Variants in PCDHA5 observed in about 807,000 individuals in gnomAD.
PCDHA5 encodes protocadherin alpha-5.
In PCDHA5, 43 loss-of-function variants were observed where a neutral mutation model predicts 61.6. The ratio of observed to expected loss-of-function variants is 0.70; its 90% CI spans 0.55 to 0.90. PCDHA5 has a LOEUF of 0.90. Ranked by LOEUF, PCDHA5 falls within the 40% of genes least tolerant of loss-of-function variation. The pLI, the probability that PCDHA5 is intolerant of heterozygous loss-of-function variation, is 0.00. For synonymous variants in PCDHA5, 627 were observed against 543.9 expected (o/e 1.15, Z -2.13); for missense variants, 1,298 against 1,222.7 (o/e 1.06, Z -0.92).
intron 1 of PCDHA5, chr5:140,829,105 G>C: frequency 6.2e-7 from 1 of 1,611,878 alleles, no homozygotes; most frequent in Non-Finnish European, 8.5e-7. Context: ...CCGTTTTAGT[G>C]AGAATTTTGG....
chr5:140,976,584 A>G (rs2096724055), intron 1 of PCDHA5, among the ~76,000 whole-genome samples: 1 of 152,070 alleles, frequency 6.6e-6, no homozygotes. Context: ...TAAAACACAG[A>G]CTTTTGTGTT....
At chr5:140,866,540 C>T (rs920003585) in intron 1 of PCDHA5, 4 of 152,134 alleles carry the variant, frequency 2.6e-5, no homozygotes, top group Admixed American at 2.6e-4. Context: ...GAATTAGCAT[C>T]ACGGAATAAA....
At chr5:141,009,301 T>C (rs942481990) in intron 3 of PCDHA5, among the ~76,000 whole-genome samples, 1 of 152,122 alleles carries the variant, frequency 6.6e-6, no homozygotes, top group Admixed American at 6.5e-5. Flanking sequence ...TAAAATTTTT[T>C]TTAAAAAGCT....
chr5:140,869,158 C>T (rs782164931), intron 1 of PCDHA5: 1 of 1,613,872 alleles, frequency 6.2e-7, no homozygotes, highest in East Asian at 2.2e-5. Context: ...GCTCTGGCTT[C>T]TCCTCCTCGA....
At chr5:140,852,972 G>T (rs530736735) in intron 1 of PCDHA5, 1 of 376,636 alleles carries the variant, frequency 2.7e-6, no homozygotes, top group Non-Finnish European at 3.8e-6. Context: ...TCCCCCTCCC[G>T]TGTTCACGCC....
At chr5:140,967,046 C>G in intron 1 of PCDHA5, 1 of 1,612,334 alleles carries the variant, frequency 6.2e-7, no homozygotes, top group Non-Finnish European at 8.5e-7. Context: ...GGAGCTGGAC[C>G]TGACGAGTGG....
chr5:140,858,677 T>C (rs1480959792), intron 1 of PCDHA5: 2 of 629,026 alleles, frequency 3.2e-6, no homozygotes, highest in South Asian at 4.5e-5. Flanking sequence ...TTATTCTGAA[T>C]ACACTAATAT....
intron 1 of PCDHA5, chr5:140,842,195 C>T (rs1165859216): frequency 1.9e-6 from 3 of 1,613,558 alleles, no homozygotes; most frequent in Non-Finnish European, 2.5e-6. Flanking sequence ...GGTTATTGAC[C>T]ACTTTAGCAT....
chr5:140,960,031 G>A (rs1331929817), intron 1 of PCDHA5, among the ~76,000 whole-genome samples: 4 of 152,220 alleles, frequency 2.6e-5, no homozygotes, highest in African/African-American at 7.2e-5. Flanking sequence ...TGTTAAGTCC[G>A]GCTGTTTATT....
chr5:140,828,120 G>T, intron 1 of PCDHA5: 1 of 1,612,792 alleles, frequency 6.2e-7, no homozygotes. Context: ...GATAGATTGG[G>T]AAAGCAATGT....
At chr5:140,862,706 G>A in intron 1 of PCDHA5, 1 of 558,712 alleles carries the variant, frequency 1.8e-6, no homozygotes, top group South Asian at 1.4e-5. Context: ...ATGGAACAGC[G>A]GGTGGGCGAG....
chr5:140,994,637 G>A (rs1355719166), intron 3 of PCDHA5, among the ~76,000 whole-genome samples: 1 of 152,078 alleles, frequency 6.6e-6, no homozygotes, highest in Non-Finnish European at 1.5e-5. Context: ...CCTGGAAGGT[G>A]GAGGTTGCAG....
At chr5:140,979,399 G>T (rs1352440599) in intron 2 of PCDHA5, among the ~76,000 whole-genome samples, 1 of 151,708 alleles carries the variant, frequency 6.6e-6, no homozygotes. Flanking sequence ...CATACATGTT[G>T]TCTACCTTGT....
intron 1 of PCDHA5, among the ~76,000 whole-genome samples, chr5:140,832,042 A>G (rs2150199272): frequency 1.8e-4 from 28 of 152,338 alleles, no homozygotes; most frequent in Admixed American, 3.3e-4. Flanking sequence ...ATTCATAGTG[A>G]GGCCATAATT....
At chr5:140,876,647 A>T in intron 1 of PCDHA5, 1 of 1,614,178 alleles carries the variant, frequency 6.2e-7, no homozygotes, top group Non-Finnish European at 8.5e-7. Flanking sequence ...CTGACACCTC[A>T]TGTTCCCTTC....
chr5:140,992,390 C>T (rs1007853972), intron 3 of PCDHA5, among the ~76,000 whole-genome samples: 1 of 152,082 alleles, frequency 6.6e-6, no homozygotes, highest in Admixed American at 6.6e-5. Context: ...GTGTTCTGGA[C>T]TTAGAGATAT....
intron 1 of PCDHA5, chr5:140,968,436 C>T (rs1479503016): frequency 3.1e-6 from 5 of 1,613,876 alleles, no homozygotes; most frequent in Non-Finnish European, 3.4e-6. Context: ...AAGGGGAGCC[C>T]ACCACTGAGC....
intron 1 of PCDHA5, among the ~76,000 whole-genome samples, chr5:140,878,960 A>G (rs1028687741): frequency 6.6e-6 from 1 of 152,322 alleles, no homozygotes; most frequent in African/African-American, 2.4e-5. Context: ...GAAATGTATT[A>G]CCTGGACATT....
chr5:140,876,792 A>C, intron 1 of PCDHA5: 1 of 1,614,116 alleles, frequency 6.2e-7, no homozygotes, highest in East Asian at 2.2e-5. Flanking sequence ...CCACGGCTAG[A>C]GTGTCCGTGG....
Sources: gnomAD v4.1 joint callset for allele counts (sites outside exome capture counted in the v4.1 genomes callset) on GRCh38, gnomAD v4.1.1 for gene constraint, MANE v1.5 for transcripts, NCBI Gene and HGNC (gene_info 2026-07-23, HGNC 2026-07-21) for gene names.